Variants in PXDNL observed in about 807,000 individuals in gnomAD.
PXDNL encodes the protein probable oxidoreductase PXDNL.
PXDNL carries 145 observed loss-of-function variants against 150.8 expected under a neutral mutation model. That is an observed-to-expected ratio of 0.96 (90% CI 0.84 to 1.10). The LOEUF (loss-of-function observed/expected upper bound fraction) is 1.10. Ranked by LOEUF, PXDNL falls within the 50% of genes least tolerant of loss-of-function variation. PXDNL has a pLI of 0.00. For missense variants in PXDNL, 2,087 were observed against 1,873.9 expected, an observed-to-expected ratio of 1.11 and a Z score of -2.10; for synonymous variants, 757 against 725.7, an observed-to-expected ratio of 1.04 and a Z score of -0.69.
intron 18 of PXDNL, among the ~76,000 whole-genome samples, chr8:51,373,752 G>T (rs1807208950): frequency 6.6e-6 from 1 of 152,136 alleles, no homozygotes; most frequent in South Asian, 2.1e-4. Flanking sequence ...TAATACAAAA[G>T]GTTATATTGT....
At chr8:51,718,978 C>T (rs1003513220) in intron 1 of PXDNL, among the ~76,000 whole-genome samples, 2 of 151,456 alleles carry the variant, frequency 1.3e-5, no homozygotes, top group Non-Finnish European at 1.5e-5. Flanking sequence ...GCCACCCCAT[C>T]TGGGAGGGAG....
intron 17 of PXDNL, among the ~76,000 whole-genome samples, chr8:51,379,824 T>G (rs565436151): frequency 6.6e-6 from 1 of 152,322 alleles, no homozygotes; most frequent in Non-Finnish European, 1.5e-5. Flanking sequence ...GGAATTGATT[T>G]TCATATATGA....
intron 3 of PXDNL, among the ~76,000 whole-genome samples, chr8:51,557,695 C>A (rs1240899630): frequency 6.6e-6 from 1 of 152,086 alleles, no homozygotes. Flanking sequence ...TTGTTAAACA[C>A]ACCAATTCTA....
chr8:51,503,702 T>C (rs1811231475), intron 4 of PXDNL, among the ~76,000 whole-genome samples: 1 of 152,224 alleles, frequency 6.6e-6, no homozygotes, highest in Non-Finnish European at 1.5e-5. Flanking sequence ...GAATTACTAG[T>C]TATCCCTTTA....
At chr8:51,465,172 G>A (rs1386619011) in intron 8 of PXDNL, among the ~76,000 whole-genome samples, 1 of 152,068 alleles carries the variant, frequency 6.6e-6, no homozygotes, top group African/African-American at 2.4e-5. Context: ...CTAGCAAACT[G>A]AATCCAGCAG....
chr8:51,741,365 T>C (rs1193430055), intron 1 of PXDNL, among the ~76,000 whole-genome samples: 1 of 152,196 alleles, frequency 6.6e-6, no homozygotes, highest in East Asian at 1.9e-4. Flanking sequence ...CTATATTGGG[T>C]GCATATATAT....
intron 6 of PXDNL, 90 bp from the exon 7 acceptor site, chr8:51,475,231 AT>A: frequency 7.8e-7 from 1 of 1,278,190 alleles, no homozygotes; most frequent in Non-Finnish European, 1.1e-6. Flanking sequence ...ATTTCCCCTG[AT>A]TTACCTTGTC....
In PXDNL at chr8:51,549,368, A is replaced by G. The variant is rs376228478; in HGVS notation, c.380+7472T>C. On this transcript the variant is annotated intron_variant, in intron 4 of 22. Coordinates refer to ENST00000356297, the MANE Select transcript of PXDNL (RefSeq NM_144651.5). Reference sequence around the variant, plus strand: ...ACAGAGCATTCTACGCAATAACTGAAGAACATATATATTTTTTTCATCAGA... The same window carrying G: ...ACAGAGCATTCTACGCAATAACTGAGGAACATATATATTTTTTTCATCAGA... 2.6e-5 allele frequency among the ~76,000 whole-genome samples: 4 copies of G among 152,266 alleles called. No homozygotes were observed. In the East Asian group the frequency reaches 5.8e-4, roughly 22 times the overall value.
intron 2 of PXDNL, among the ~76,000 whole-genome samples, chr8:51,605,222 A>G (rs1585614516): frequency 6.6e-6 from 1 of 152,144 alleles, no homozygotes; most frequent in East Asian, 1.9e-4. Flanking sequence ...ATATGGACAT[A>G]TAGGTCTCAA....
chr8:51,506,826 G>T (rs1477605894), intron 4 of PXDNL, among the ~76,000 whole-genome samples: 2 of 152,210 alleles, frequency 1.3e-5, no homozygotes, highest in Admixed American at 6.5e-5. Flanking sequence ...TCTTTAGCAG[G>T]AATTCAAGGC....
intron 1 of PXDNL, among the ~76,000 whole-genome samples, chr8:51,680,912 C>T (rs1369939580): frequency 2.6e-5 from 4 of 152,198 alleles, no homozygotes; most frequent in Admixed American, 6.5e-5. Flanking sequence ...TTTCCCCTCA[C>T]ACCACATTTC....
intron 3 of PXDNL, among the ~76,000 whole-genome samples, chr8:51,571,304 G>T (rs1165904995): frequency 6.6e-6 from 1 of 151,734 alleles, no homozygotes; most frequent in East Asian, 1.9e-4. Flanking sequence ...TTAGATTATT[G>T]CCAGTGAGCT....
At chr8:51,603,859 C>A (rs539644613) in intron 2 of PXDNL, among the ~76,000 whole-genome samples, 65 of 152,208 alleles carry the variant, frequency 4.3e-4, no homozygotes, top group Admixed American at 3.0e-3. Flanking sequence ...CCAGGCAACT[C>A]TGTTGCTAAA....
chr8:51,611,854 T>C (rs1814010221), intron 2 of PXDNL, among the ~76,000 whole-genome samples: 1 of 152,126 alleles, frequency 6.6e-6, no homozygotes, highest in Admixed American at 6.5e-5. Context: ...GTGGGAACTG[T>C]CTGCGGAGTA....
chr8:51,692,015 A>C (rs1816010763), intron 1 of PXDNL, among the ~76,000 whole-genome samples: 1 of 152,186 alleles, frequency 6.6e-6, no homozygotes, highest in Admixed American at 6.5e-5. Context: ...CTGAGGCAAA[A>C]GTAGACTCGT....
At chr8:51,393,486 T>C (rs1368201455) in intron 17 of PXDNL, among the ~76,000 whole-genome samples, 1 of 152,260 alleles carries the variant, frequency 6.6e-6, no homozygotes. Context: ...TGCTGGGTTA[T>C]GCTGTTTCTC....
Position 51,395,667 on chromosome 8 carries a change from C to T in PXDNL, c.3557+12400G>A, listed in dbSNP as rs560772958. Among the ~76,000 whole-genome samples the T allele has an allele frequency of 1.9e-4, 29 of 151,876 alleles. 1 individual carries two copies. The South Asian group carries it at 4.2e-3, about 22-fold the overall frequency. Reference sequence around the variant, plus strand: ...ATATAATTTGGTTTCAAAGAGGATACGAAATGTTATAGAGGAACTGAAAAA... The same window carrying T: ...ATATAATTTGGTTTCAAAGAGGATATGAAATGTTATAGAGGAACTGAAAAA... On this transcript the variant is annotated intron_variant, in intron 17 of 22. Transcript: ENST00000356297.
At chr8:51,628,764 T>C (rs1814423237) in intron 2 of PXDNL, among the ~76,000 whole-genome samples, 2 of 152,032 alleles carry the variant, frequency 1.3e-5, no homozygotes, top group Admixed American at 6.6e-5. Flanking sequence ...TCTACCAAAA[T>C]TCTAGCTGGA....
In PXDNL at chr8:51,654,388, G is replaced by A. The variant is rs147432213; in HGVS notation, c.236+301C>T. Among the ~76,000 whole-genome samples, 403 of 152,246 alleles carry A rather than the reference G, an allele frequency of 2.6e-3. 4 individuals are homozygous for A. Among genetic ancestry groups the A allele is most frequent in the African/African-American group, 9.2e-3 (381 of 41,550 alleles). ...TTAATTTCATTTCTATTGCTTTCTT[G>A]CCATGGGACTCATAGACAAGTTACT... On this transcript the variant is annotated intron_variant, in intron 2 of 22. Transcript: ENST00000356297.
Sources: allele counts gnomAD v4.1 joint callset (sites outside exome capture counted in the v4.1 genomes callset), GRCh38; gene constraint gnomAD v4.1.1; transcripts MANE v1.5; gene names NCBI Gene and HGNC (gene_info 2026-07-23, HGNC 2026-07-21).